The following CNTNAP4 variants were observed in gnomAD, a reference collection of about 807,000 sequenced individuals.
CNTNAP4 encodes contactin associated protein family member 4.
CNTNAP4 carries 98 observed loss-of-function variants against 148.4 expected under a neutral mutation model. The ratio of observed to expected loss-of-function variants is 0.66; its 90% CI spans 0.56 to 0.78. CNTNAP4 has a LOEUF of 0.78. Ranked by LOEUF, CNTNAP4 falls within the 30% of genes least tolerant of loss-of-function variation. The pLI, the probability that CNTNAP4 is intolerant of heterozygous loss-of-function variation, is 0.00. For missense variants in CNTNAP4, 1,935 were observed against 1,565.6 expected, an observed-to-expected ratio of 1.24 and a Z score of -3.98; for synonymous variants, 730 against 565.1, an observed-to-expected ratio of 1.29 and a Z score of -4.14.
At chr16:76,289,642 G>A (rs143935098) in intron 1 of CNTNAP4, among the ~76,000 whole-genome samples, 2 of 151,056 alleles carry the variant, frequency 1.3e-5, no homozygotes, top group East Asian at 2.0e-4. Flanking sequence ...GCACAATCTC[G>A]GCTCACTGCA....
intron 17 of CNTNAP4, among the ~76,000 whole-genome samples, chr16:76,527,855 C>G (rs2083807442): frequency 6.6e-6 from 1 of 151,972 alleles, no homozygotes; most frequent in Admixed American, 6.6e-5. Context: ...CAAATATACA[C>G]AATAAAATTT....
At chr16:76,501,555 G>A (rs908079922) in intron 15 of CNTNAP4, among the ~76,000 whole-genome samples, 3 of 152,196 alleles carry the variant, frequency 2.0e-5, no homozygotes, top group African/African-American at 7.2e-5. Context: ...ACATTTGGCA[G>A]TGTTCGGAGA....
At chr16:76,424,766 A>T (rs1459569729) in intron 3 of CNTNAP4, among the ~76,000 whole-genome samples, 1 of 56,988 alleles carries the variant, frequency 1.8e-5, no homozygotes, top group African/African-American at 6.2e-5. Context: ...CTAAAAAAAC[A>T]AAAACAAAAA....
chr16:76,453,373 A>G (rs1054036822), intron 8 of CNTNAP4, among the ~76,000 whole-genome samples: 1 of 152,204 alleles, frequency 6.6e-6, no homozygotes, highest in African/African-American at 2.4e-5. Context: ...TAATGATTAG[A>G]AGTAATGTAC....
intron 3 of CNTNAP4, among the ~76,000 whole-genome samples, chr16:76,398,501 C>T (rs4887855): frequency 0.1 from 15,825 of 152,116 alleles, 1,043 homozygotes; most frequent in East Asian, 0.35. Context: ...TTCTCAGCCA[C>T]CGCACTGCAA....
intron 15 of CNTNAP4, among the ~76,000 whole-genome samples, chr16:76,500,599 CTT>C (rs5818000): frequency 0.011 from 1,698 of 148,576 alleles, 31 homozygotes; most frequent in African/African-American, 0.04. Context: ...CTGTAAATCT[CTT>C]TTTTTTTTTC....
chr16:76,336,088 C>A (rs1366430213), intron 2 of CNTNAP4, among the ~76,000 whole-genome samples: 1 of 152,010 alleles, frequency 6.6e-6, no homozygotes, highest in Admixed American at 6.6e-5. Context: ...TAAATATAAT[C>A]CTGAATTGAC....
In CNTNAP4 at chr16:76,448,772, G is replaced by T. The variant is rs763186480; in HGVS notation, c.748G>T (p.Ala250Ser). 3.7e-6 allele frequency: 6 copies of T among 1,603,452 alleles called. 1 individual carries two copies. In the South Asian group the frequency reaches 5.6e-5, roughly 15 times the overall value. The change falls in exon 6 of 24, where the codon GCT becomes TCT. Residue 250 changes from alanine (A) to serine (S), a missense_variant. Coordinates refer to ENST00000611870, the MANE Select transcript of CNTNAP4 (RefSeq NM_033401.5). Reference sequence around the variant, plus strand: ...TATTTTTCTCCTCTTCTAAGGTGAAGCTAAACTGCCTTCCACTTCCACCCT... The same window carrying T: ...TATTTTTCTCCTCTTCTAAGGTGAATCTAAACTGCCTTCCACTTCCACCCT... ...RLFLLINSGE[A>S]KLPSTSTLVN...
chr16:76,520,218 C>T (rs757980485), intron 15 of CNTNAP4, among the ~76,000 whole-genome samples: 2 of 152,182 alleles, frequency 1.3e-5, no homozygotes, highest in Non-Finnish European at 2.9e-5. Flanking sequence ...CATCAACCTC[C>T]TGTATCCAGT....
intron 1 of CNTNAP4, among the ~76,000 whole-genome samples, chr16:76,303,902 A>T (rs1960229786): frequency 6.6e-6 from 1 of 152,142 alleles, no homozygotes; most frequent in Non-Finnish European, 1.5e-5. Context: ...GTGGTTACGA[A>T]TGTTGAATGC....
Position 76,517,178 on chromosome 16 carries a change from T to G in CNTNAP4, c.2366-3962T>G, listed in dbSNP as rs115745063. 4.8e-3 allele frequency among the ~76,000 whole-genome samples: 738 copies of G among 152,198 alleles called. 6 individuals carry two copies. Among genetic ancestry groups the G allele is most frequent in the African/African-American group, 0.017 (717 of 41,522 alleles). On this transcript the variant is annotated intron_variant, in intron 15 of 23. Coordinates refer to ENST00000611870, the MANE Select transcript of CNTNAP4 (RefSeq NM_033401.5). ...TGACAAAATTATAGAAATGAGGAAC[T>G]AATTAGTTGTGCCAGGAGGTTAAAG... is the stretch of plus-strand genomic sequence containing the variant.
At chr16:76,366,453 A>G (rs2014145879) in intron 3 of CNTNAP4, among the ~76,000 whole-genome samples, 1 of 152,210 alleles carries the variant, frequency 6.6e-6, no homozygotes, top group Non-Finnish European at 1.5e-5. Flanking sequence ...TTCCCAAAAC[A>G]GACATAATCT....
chr16:76,473,735 C>G (rs1301047612), intron 10 of CNTNAP4, among the ~76,000 whole-genome samples: 1 of 152,116 alleles, frequency 6.6e-6, no homozygotes, highest in East Asian at 1.9e-4. Context: ...GATCGCGCCA[C>G]TGCACTACAG....
At chr16:76,503,509 C>T (rs2082728127) in intron 15 of CNTNAP4, among the ~76,000 whole-genome samples, 1 of 152,098 alleles carries the variant, frequency 6.6e-6, no homozygotes, top group African/African-American at 2.4e-5. Flanking sequence ...GATTCAAGGT[C>T]AATATTCAAA....
intron 15 of CNTNAP4, among the ~76,000 whole-genome samples, chr16:76,511,117 G>T (rs572974088): frequency 6.6e-6 from 1 of 152,188 alleles, no homozygotes; most frequent in African/African-American, 2.4e-5. Context: ...TCTGCTCTCA[G>T]TCTCTCTATC....
chr16:76,382,393 AT>A (rs1034345350), intron 3 of CNTNAP4, among the ~76,000 whole-genome samples: 14 of 152,176 alleles, frequency 9.2e-5, no homozygotes, highest in African/African-American at 3.4e-4. Context: ...TGCCAAAAAA[AT>A]CTTAAGCTAC....
chr16:76,549,357 G>C (rs1322385266), intron 21 of CNTNAP4, among the ~76,000 whole-genome samples: 1 of 152,096 alleles, frequency 6.6e-6, no homozygotes, highest in Admixed American at 6.5e-5. Flanking sequence ...TTTCTTCTTA[G>C]GGCTGTGGCC....
intron 4 of CNTNAP4, among the ~76,000 whole-genome samples, chr16:76,442,829 T>C: frequency 6.6e-6 from 1 of 152,112 alleles, no homozygotes; most frequent in East Asian, 1.9e-4. Context: ...AATTTCAATA[T>C]GAGTTTTGGT....
chr16:76,540,618 T>C, intron 20 of CNTNAP4, 85 bp from the exon 21 acceptor site: 1 of 990,922 alleles, frequency 1.0e-6, no homozygotes, highest in East Asian at 2.9e-5. Context: ...TAATGTATCT[T>C]TTTCTCTTGT....
Sources: gnomAD v4.1 joint callset for allele counts (sites outside exome capture counted in the v4.1 genomes callset) on GRCh38, gnomAD v4.1.1 for gene constraint, MANE v1.5 for transcripts, NCBI Gene and HGNC (gene_info 2026-07-23, HGNC 2026-07-21) for gene names.